The following SRBD1 variants were observed in gnomAD, a reference collection of about 807,000 sequenced individuals.
The protein encoded by SRBD1 is S1 RNA binding domain 1, also known as S1 RNA-binding domain-containing protein 1.
Under a neutral mutation model 115.3 loss-of-function variants are expected in SRBD1, and 88 were observed. The observed-to-expected ratio is 0.76, with a 90% CI of 0.64 to 0.91. SRBD1 has a LOEUF of 0.91. Among genes scored for constraint, SRBD1 ranks in the 40% least tolerant of loss-of-function variants. The pLI is 0.00. For synonymous variants in SRBD1, 509 were observed against 407.7 expected (o/e 1.25, Z -2.99); for missense variants, 1,385 against 1,177.4 (o/e 1.18, Z -2.58).
At chr2:45,470,364 T>A (rs1385025053) in intron 16 of SRBD1, among the ~76,000 whole-genome samples, 1 of 152,180 alleles carries the variant, frequency 6.6e-6, no homozygotes, top group African/African-American at 2.4e-5. Flanking sequence ...AATTATTCAT[T>A]ATCCACAATA....
intron 16 of SRBD1, among the ~76,000 whole-genome samples, chr2:45,470,442 T>C (rs936682539): frequency 2.6e-5 from 4 of 152,164 alleles, no homozygotes; most frequent in African/African-American, 9.7e-5. Context: ...TGGCCAACCA[T>C]TTCATTCTCT....
intron 16 of SRBD1, among the ~76,000 whole-genome samples, chr2:45,421,672 G>T (rs976316383): frequency 2.6e-5 from 4 of 151,864 alleles, no homozygotes; most frequent in Admixed American, 1.3e-4. Flanking sequence ...AATGATCTGT[G>T]GGACAGGAGA....
chr2:45,545,283 TAAAAAAAAAAAAA>T (rs56909656), intron 14 of SRBD1, among the ~76,000 whole-genome samples: 37 of 68,576 alleles, frequency 5.4e-4, no homozygotes, highest in East Asian at 2.1e-3. Context: ...CTGTCTCAAT[TAAAAAAAAAAAAA>T]AAAAAAAAAA....
intron 4 of SRBD1, among the ~76,000 whole-genome samples, chr2:45,588,041 G>C (rs1275039237): frequency 6.6e-6 from 1 of 152,092 alleles, no homozygotes; most frequent in Non-Finnish European, 1.5e-5. Context: ...TCCTTACTCT[G>C]TCACTGTTCT....
At chr2:45,496,783 G>C (rs1253912444) in intron 14 of SRBD1, among the ~76,000 whole-genome samples, 1 of 152,078 alleles carries the variant, frequency 6.6e-6, no homozygotes, top group Admixed American at 6.5e-5. Flanking sequence ...CCACTATCCA[G>C]TCAAAGGAGA....
At chr2:45,459,150 T>C (rs940746436) in intron 16 of SRBD1, among the ~76,000 whole-genome samples, 7 of 152,176 alleles carry the variant, frequency 4.6e-5, no homozygotes, top group Admixed American at 6.5e-5. Flanking sequence ...TCAATTTAGA[T>C]GTGAACCACA....
intron 4 of SRBD1, among the ~76,000 whole-genome samples, chr2:45,587,009 T>A (rs1425967747): frequency 9.3e-6 from 1 of 107,312 alleles, no homozygotes; most frequent in Non-Finnish European, 1.9e-5. Context: ...TTAATTATTT[T>A]AAATTATAAA....
chr2:45,428,648 T>A (rs1476918031), intron 16 of SRBD1, among the ~76,000 whole-genome samples: 1 of 152,124 alleles, frequency 6.6e-6, no homozygotes, highest in Non-Finnish European at 1.5e-5. Context: ...CCAGAATCTC[T>A]GGGACACAGC....
intron 16 of SRBD1, among the ~76,000 whole-genome samples, chr2:45,472,630 G>T (rs938672228): frequency 6.6e-6 from 1 of 152,198 alleles, no homozygotes; most frequent in African/African-American, 2.4e-5. Flanking sequence ...CCAGGTGCGT[G>T]TCACCATGCC....
intron 19 of SRBD1, among the ~76,000 whole-genome samples, chr2:45,404,953 A>C (rs1440291638): frequency 6.6e-6 from 1 of 152,008 alleles, no homozygotes; most frequent in African/African-American, 2.4e-5. Context: ...CTTTCTCTAG[A>C]TATCTGCACA....
intron 10 of SRBD1, among the ~76,000 whole-genome samples, chr2:45,557,748 C>T (rs190123669): frequency 6.6e-6 from 1 of 152,338 alleles, no homozygotes; most frequent in East Asian, 1.9e-4. Flanking sequence ...AACCCTGTTG[C>T]TTAAATCTTT....
intron 15 of SRBD1, among the ~76,000 whole-genome samples, chr2:45,485,511 T>C (rs17039188): frequency 0.043 from 6,486 of 152,256 alleles, 243 homozygotes; most frequent in East Asian, 0.15. Context: ...TTTAAATCCA[T>C]AATAGACAGT....
chr2:45,543,083 T>C (rs755654), intron 14 of SRBD1, among the ~76,000 whole-genome samples: 13,386 of 152,298 alleles, frequency 0.088, 748 homozygotes, highest in Middle Eastern at 0.14. Context: ...TTTAAACAAA[T>C]GACCCATAAA....
In SRBD1 at chr2:45,551,163, T is replaced by C. The variant is rs1672285495; in HGVS notation, c.1637A>G (p.Tyr546Cys). Reference sequence around the variant, plus strand: ...TATAGCTAATTTGCAACCATGTTTATAACCAGGATCCACTCCCATTAAGGT... The same window carrying C: ...TATAGCTAATTTGCAACCATGTTTACAACCAGGATCCACTCCCATTAAGGT... ...GRTLMGVDPG[Y>C]KHGCKLAIIS... is the part of the protein sequence containing the mutation. Residue 546 changes from tyrosine (Y) to cysteine (C), a missense_variant, in exon 12 of 21, where the codon TAT (tyrosine) becomes TGT (cysteine). Tyr to Cys is a radical substitution (Grantham distance 194). Transcript: ENST00000263736. The C allele has an allele frequency of 6.2e-7, 1 of 1,602,732 alleles. No homozygotes were observed. Among genetic ancestry groups the C allele is most frequent in the African/African-American group, 1.3e-5 (1 of 74,366 alleles).
intron 14 of SRBD1, among the ~76,000 whole-genome samples, chr2:45,535,845 C>T (rs556468750): frequency 6.6e-6 from 1 of 151,850 alleles, no homozygotes; most frequent in African/African-American, 2.4e-5. Flanking sequence ...TCTCTTTACC[C>T]AAAGATAATC....
At chr2:45,413,726 G>A (rs541836936) in intron 18 of SRBD1, among the ~76,000 whole-genome samples, 234 of 152,128 alleles carry the variant, frequency 1.5e-3, no homozygotes, top group South Asian at 0.011. Flanking sequence ...TCAGGAGTTC[G>A]AGACCAGCCT....
rs1159490307 is a variant in SRBD1 at position 45,551,112 on chromosome 2, C to G, written c.1675+13G>C. 2 of 1,578,036 alleles carry G rather than the reference C, an allele frequency of 1.3e-6. No homozygotes were observed. Among genetic ancestry groups the G allele is most frequent in the African/African-American group, 2.7e-5 (2 of 72,736 alleles). On this transcript the variant is annotated intron_variant, in intron 12 of 20. Transcript: ENST00000263736. ...CAAACAACTTTTACATGGAAAATTG[C>G]AAGACAACTTACTAGTAGGAGAAAT...
chr2:45,607,731 T>C (rs1558510574), intron 1 of SRBD1, among the ~76,000 whole-genome samples: 1 of 152,214 alleles, frequency 6.6e-6, no homozygotes, highest in African/African-American at 2.4e-5. Context: ...CTAAGTGTCC[T>C]ACCTCACTTC....
At chr2:45,397,247 T>A (rs1348679363) in intron 19 of SRBD1, among the ~76,000 whole-genome samples, 3 of 152,194 alleles carry the variant, frequency 2.0e-5, no homozygotes, top group Non-Finnish European at 2.9e-5. Context: ...CTGTGGGACA[T>A]AAATGCAAGT....
Sources: gnomAD v4.1 joint callset for allele counts (sites outside exome capture counted in the v4.1 genomes callset) on GRCh38, gnomAD v4.1.1 for gene constraint, MANE v1.5 for transcripts, NCBI Gene and HGNC (gene_info 2026-07-23, HGNC 2026-07-21) for gene names.